SEMA6A: variants seen among roughly 807,000 people sequenced by gnomAD.
SEMA6A encodes the protein semaphorin 6A.
A neutral mutation model predicts 96.8 loss-of-function variants in SEMA6A; 25 were observed. The ratio of observed to expected loss-of-function variants is 0.26; its 90% CI spans 0.19 to 0.36. SEMA6A has a LOEUF of 0.36. Ranked by LOEUF, SEMA6A falls within the 10% of genes least tolerant of loss-of-function variation. The pLI is 1.00. For missense variants in SEMA6A, 1,363 were observed against 1,323.1 expected (o/e 1.03, Z -0.47); for synonymous variants, 612 against 518.0 (o/e 1.18, Z -2.46).
chr5:116,565,736 G>A (rs1760999319), intron 1 of SEMA6A, among the ~76,000 whole-genome samples: 2 of 152,208 alleles, frequency 1.3e-5, no homozygotes. Flanking sequence ...ACCAAAATAT[G>A]TGAATGAAAT....
At chr5:116,545,041 G>A (rs1399180367) in intron 1 of SEMA6A, among the ~76,000 whole-genome samples, 1 of 151,884 alleles carries the variant, frequency 6.6e-6, no homozygotes, top group South Asian at 2.1e-4. Context: ...TTTGACCTGA[G>A]TCACCTCTGG....
At chr5:116,474,407 C>T (rs567947119) in intron 16 of SEMA6A, among the ~76,000 whole-genome samples, 4 of 152,166 alleles carry the variant, frequency 2.6e-5, no homozygotes, top group African/African-American at 4.8e-5. Context: ...TACGGATGAA[C>T]GCACACACGT....
chr5:116,519,834 A>G lies in SEMA6A; in HGVS notation c.-38-14852T>C, dbSNP rs563099523. Reference sequence around the variant, plus strand: ...CCCACTTCCCTATGTTCTACCTACAATCCTCTTAATCTAACCTAACCTCAG... The same window carrying G: ...CCCACTTCCCTATGTTCTACCTACAGTCCTCTTAATCTAACCTAACCTCAG... On this transcript the variant is annotated intron_variant, in intron 1 of 18. Transcript: ENST00000343348. Among the ~76,000 whole-genome samples, 10 of 152,240 alleles carry G rather than the reference A, an allele frequency of 6.6e-5. 1 individual carries two copies. The South Asian group carries it at 1.0e-3, about 16-fold the overall frequency.
chr5:116,568,423 C>G (rs778535069), intron 1 of SEMA6A, among the ~76,000 whole-genome samples: 2 of 152,044 alleles, frequency 1.3e-5, no homozygotes, highest in Non-Finnish European at 2.9e-5. Context: ...ATATACTGTA[C>G]GGGTACAGGG....
intron 3 of SEMA6A, among the ~76,000 whole-genome samples, chr5:116,501,477 G>C (rs1271324943): frequency 6.6e-6 from 1 of 152,104 alleles, no homozygotes; most frequent in Non-Finnish European, 1.5e-5. Context: ...TTCTTTCAAA[G>C]TGATGATATA....
At chr5:116,520,528 A>G (rs947614777) in intron 1 of SEMA6A, among the ~76,000 whole-genome samples, 2 of 152,188 alleles carry the variant, frequency 1.3e-5, no homozygotes, top group Non-Finnish European at 2.9e-5. Flanking sequence ...AACAAGGAAA[A>G]GGGGAGATGC....
At chr5:116,447,917 G>C in intron 18 of SEMA6A, 106 bp from the exon 19 acceptor site, 1 of 868,326 alleles carries the variant, frequency 1.2e-6, no homozygotes, top group Non-Finnish European at 1.8e-6. Flanking sequence ...AGTGACAACA[G>C]CACCTCTGCA....
intron 13 of SEMA6A, 109 bp from the exon 14 acceptor site, chr5:116,478,263 C>T (rs990325972): frequency 1.3e-5 from 17 of 1,329,496 alleles, no homozygotes; most frequent in East Asian, 1.3e-4. Context: ...ATCTAACTGG[C>T]GGTGAAACAA....
At chr5:116,479,283 A>G (rs1328749650) in intron 12 of SEMA6A, among the ~76,000 whole-genome samples, 1 of 152,308 alleles carries the variant, frequency 6.6e-6, no homozygotes, top group East Asian at 1.9e-4. Context: ...GGTGAAGGGC[A>G]TACCTGGGAT....
At chr5:116,533,999 C>T (rs553289710) in intron 1 of SEMA6A, among the ~76,000 whole-genome samples, 8 of 152,316 alleles carry the variant, frequency 5.3e-5, no homozygotes, top group South Asian at 4.1e-4. Context: ...CTATTCCAAA[C>T]GAACCTTTCT....
intron 17 of SEMA6A, chr5:116,469,674 A>G (rs970898488): frequency 1.3e-5 from 2 of 152,350 alleles, no homozygotes; most frequent in South Asian, 2.1e-4. Context: ...TCAAGAGGCA[A>G]TTTTATGGTA....
intron 1 of SEMA6A, among the ~76,000 whole-genome samples, chr5:116,528,626 A>T (rs527755082): frequency 4.5e-4 from 69 of 152,214 alleles, no homozygotes; most frequent in African/African-American, 1.6e-3. Flanking sequence ...TCTGAAAAGC[A>T]GGCAGAAGCT....
intron 1 of SEMA6A, among the ~76,000 whole-genome samples, chr5:116,563,486 T>G (rs1760900739): frequency 6.6e-6 from 1 of 152,248 alleles, no homozygotes; most frequent in Non-Finnish European, 1.5e-5. Context: ...ATGTCACTAC[T>G]GGCTGAAAAT....
At chr5:116,560,249 G>A (rs901599339) in intron 1 of SEMA6A, among the ~76,000 whole-genome samples, 2 of 152,284 alleles carry the variant, frequency 1.3e-5, no homozygotes, top group African/African-American at 2.4e-5. Flanking sequence ...AGCATCTTCT[G>A]CATTCTGCAT....
At chr5:116,507,962 C>T (rs1242133511) in intron 1 of SEMA6A, 1 of 152,146 alleles carries the variant, frequency 6.6e-6, no homozygotes, top group Admixed American at 6.6e-5. Context: ...GTGAATTTGT[C>T]AGGTCTATTT....
At chr5:116,500,744 C>T (rs1008678003) in intron 3 of SEMA6A, among the ~76,000 whole-genome samples, 9 of 152,144 alleles carry the variant, frequency 5.9e-5, no homozygotes, top group African/African-American at 2.2e-4. Context: ...GTGGCTCACA[C>T]CTGTAATTCC....
intron 1 of SEMA6A, among the ~76,000 whole-genome samples, chr5:116,517,322 G>T (rs554059867): frequency 1.6e-4 from 24 of 151,978 alleles, no homozygotes; most frequent in Admixed American, 1.0e-3. Context: ...GACACTACAT[G>T]CCTTCGTTCC....
intron 18 of SEMA6A, 106 bp from the exon 19 acceptor site, chr5:116,447,917 G>A: frequency 1.2e-6 from 1 of 868,326 alleles, no homozygotes. Context: ...AGTGACAACA[G>A]CACCTCTGCA....
chr5:116,556,377 C>A (rs1237586164), intron 1 of SEMA6A, among the ~76,000 whole-genome samples: 2 of 152,140 alleles, frequency 1.3e-5, no homozygotes, highest in African/African-American at 4.8e-5. Context: ...GTCAAGAACC[C>A]ATATCCTGCT....
Sources: gnomAD v4.1 joint callset for allele counts (sites outside exome capture counted in the v4.1 genomes callset) on GRCh38, gnomAD v4.1.1 for gene constraint, MANE v1.5 for transcripts, NCBI Gene and HGNC (gene_info 2026-07-23, HGNC 2026-07-21) for gene names.